DCLK1: variants seen among roughly 807,000 people sequenced by gnomAD.
DCLK1 encodes doublecortin like kinase 1, also known as serine/threonine-protein kinase DCLK1.
Under a neutral mutation model 86.2 loss-of-function variants are expected in DCLK1, and 16 were observed. The ratio of observed to expected loss-of-function variants is 0.19; its 90% confidence interval spans 0.13 to 0.28. DCLK1 has a LOEUF of 0.28. Among genes scored for constraint, DCLK1 ranks in the 10% least tolerant of loss-of-function variants. The probability of loss-of-function intolerance (pLI) is 1.00; values close to 1 mark genes in which losing one functional copy is unlikely to be tolerated. For synonymous variants in DCLK1, 369 were observed against 370.5 expected, an observed-to-expected ratio of 1.00 and a Z score of 0.05; for missense variants, 590 against 940.2, an observed-to-expected ratio of 0.63 and a Z score of 4.87.
Position 35,974,341 on chromosome 13 carries a change from G to A in DCLK1, c.724-26884C>T, listed in dbSNP as rs578247342. Among the ~76,000 whole-genome samples, 7 of 152,282 alleles carry A rather than the reference G, an allele frequency of 4.6e-5. No individual in the cohort carries two copies. The South Asian group carries it at 8.3e-4, about 18-fold the overall frequency. On this transcript the variant is annotated intron_variant, in intron 3 of 16. Coordinates refer to ENST00000360631, the MANE Select transcript of DCLK1 (RefSeq NM_001330071.2). The stretch of plus-strand genomic sequence containing the variant: ...TCTTGCTACTGTCCTTACACAAAGA[G>A]GGAATTTGGTCACAGACAGATGCAG...
At chr13:35,868,109 A>G (rs61949292) in intron 5 of DCLK1, among the ~76,000 whole-genome samples, 37,595 of 144,562 alleles carry the variant, frequency 0.26, 4,781 homozygotes, top group Admixed American at 0.35. Flanking sequence ...TGCAAGCTCC[A>G]CCTCCCGGGT....
intron 4 of DCLK1, among the ~76,000 whole-genome samples, chr13:35,897,631 A>G (rs1051288344): frequency 1.3e-5 from 2 of 152,138 alleles, no homozygotes; most frequent in Admixed American, 1.3e-4. Flanking sequence ...TTTCTAAAGT[A>G]GCACATCATT....
chr13:36,085,299 A>C (rs1315605481), intron 3 of DCLK1, among the ~76,000 whole-genome samples: 1 of 152,214 alleles, frequency 6.6e-6, no homozygotes, highest in Non-Finnish European at 1.5e-5. Context: ...TGTAGATTCC[A>C]ATCCCACTTT....
At chr13:35,836,927 C>T (rs1023602544) in intron 7 of DCLK1, among the ~76,000 whole-genome samples, 3 of 152,152 alleles carry the variant, frequency 2.0e-5, no homozygotes, top group South Asian at 2.1e-4. Flanking sequence ...ACTGAATAAC[C>T]TTTAACATCT....
chr13:35,993,973 C>A (rs1006722747), intron 3 of DCLK1, among the ~76,000 whole-genome samples: 3 of 152,032 alleles, frequency 2.0e-5, no homozygotes, highest in Non-Finnish European at 2.9e-5. Context: ...GACCAGTTAA[C>A]ATCTCTAGTC....
In DCLK1 at chr13:35,769,430, A is replaced by G. The variant is rs537826453; in HGVS notation, c.*5105T>C. 3.9e-4 allele frequency: 59 copies of G among 152,344 alleles called. No homozygotes were observed. Among genetic ancestry groups the G allele is most frequent in the African/African-American group, 1.4e-3 (57 of 41,582 alleles). 9.4% of individuals were successfully genotyped at this position (152,344 alleles called of 1,614,324 possible). On this transcript the variant is annotated 3_prime_UTR_variant, in exon 17 of 17. Transcript: ENST00000360631. Reference sequence around the variant, plus strand: ...CTTTAATAATTTTCTTTCAGCCAGAATGAAAAAGGCTAGTATTAATTTCCT... The same window carrying G: ...CTTTAATAATTTTCTTTCAGCCAGAGTGAAAAAGGCTAGTATTAATTTCCT...
At chr13:35,926,066 T>C (rs555666088) in intron 4 of DCLK1, among the ~76,000 whole-genome samples, 1 of 152,114 alleles carries the variant, frequency 6.6e-6, no homozygotes, top group East Asian at 1.9e-4. Flanking sequence ...ATCTTTTTTT[T>C]TTTTTTTCCT....
At chr13:35,848,365 A>G in intron 6 of DCLK1, 1 of 985,066 alleles carries the variant, frequency 1.0e-6, no homozygotes, top group East Asian at 1.1e-4. Flanking sequence ...TTTGCATAAA[A>G]AGAGATCTCA....
chr13:36,122,183 C>T (rs1886015859), intron 2 of DCLK1, among the ~76,000 whole-genome samples: 1 of 151,952 alleles, frequency 6.6e-6, no homozygotes, highest in African/African-American at 2.4e-5. Flanking sequence ...GAAAGAGATT[C>T]CCTAACTGTG....
In DCLK1 at chr13:36,098,640, C is replaced by G. The variant is rs1395050073; in HGVS notation, c.723+13229G>C. ...ATCCACATTTCCTCTGGTTCTTCCT[C>G]TATTTCTCTTGTGCCCCAAAATGTA... On this transcript the variant is annotated intron_variant, in intron 3 of 16. Transcript: ENST00000360631. Among the ~76,000 whole-genome samples, 7 of 152,240 alleles carry G rather than the reference C, an allele frequency of 4.6e-5. No homozygotes were observed. The East Asian group carries it at 1.2e-3, about 25-fold the overall frequency.
chr13:36,013,813 G>T (rs1455056167), intron 3 of DCLK1, among the ~76,000 whole-genome samples: 1 of 152,144 alleles, frequency 6.6e-6, no homozygotes. Flanking sequence ...AATGGCGGGC[G>T]CCCCTCCCCC....
chr13:36,049,127 A>G (rs755144405), intron 3 of DCLK1, among the ~76,000 whole-genome samples: 1 of 152,180 alleles, frequency 6.6e-6, no homozygotes, highest in Non-Finnish European at 1.5e-5. Flanking sequence ...AGAAAACCCA[A>G]GAAAATGAAA....
chr13:35,785,797 G>C (rs2086611534), intron 16 of DCLK1, among the ~76,000 whole-genome samples: 1 of 152,216 alleles, frequency 6.6e-6, no homozygotes, highest in Non-Finnish European at 1.5e-5. Context: ...GTGTTAGAAA[G>C]TTGGCTGCCA....
intron 3 of DCLK1, among the ~76,000 whole-genome samples, chr13:36,068,498 A>C (rs1380017652): frequency 6.6e-6 from 1 of 152,148 alleles, no homozygotes; most frequent in East Asian, 1.9e-4. Context: ...CCAAAAATTA[A>C]ATCCTTAGAT....
At chr13:35,855,796 T>A in intron 5 of DCLK1, 5 of 1,261,494 alleles carry the variant, frequency 4.0e-6, no homozygotes, top group Non-Finnish European at 5.0e-6. Context: ...GCAACCCCCA[T>A]CCCGACACCA....
intron 3 of DCLK1, among the ~76,000 whole-genome samples, chr13:35,980,691 C>T (rs913579858): frequency 2.6e-5 from 4 of 152,100 alleles, no homozygotes; most frequent in Admixed American, 6.6e-5. Flanking sequence ...TGAAATCATT[C>T]CACCTCAGAT....
At chr13:35,820,877 G>T (rs752038605) in intron 11 of DCLK1, among the ~76,000 whole-genome samples, 2 of 152,240 alleles carry the variant, frequency 1.3e-5, no homozygotes, top group African/African-American at 2.4e-5. Context: ...GTAGCTACAA[G>T]ATTACCAGCA....
intron 3 of DCLK1, among the ~76,000 whole-genome samples, chr13:36,020,376 A>G (rs1881723758): frequency 6.6e-6 from 1 of 152,240 alleles, no homozygotes; most frequent in Admixed American, 6.5e-5. Context: ...CCATAGAAAT[A>G]AAAACAATGG....
chr13:36,105,062 T>C (rs971747154), intron 3 of DCLK1, among the ~76,000 whole-genome samples: 1 of 152,192 alleles, frequency 6.6e-6, no homozygotes, highest in African/African-American at 2.4e-5. Context: ...TGCATTATTA[T>C]GCCATCTTAA....
Sources: gnomAD v4.1 joint callset for allele counts (sites outside exome capture counted in the v4.1 genomes callset) on GRCh38, gnomAD v4.1.1 for gene constraint, MANE v1.5 for transcripts, NCBI Gene and HGNC (gene_info 2026-07-23, HGNC 2026-07-21) for gene names.